ARHGAP28: variants seen among roughly 807,000 people sequenced by gnomAD.
The protein encoded by ARHGAP28 is Rho GTPase activating protein 28.
In ARHGAP28, 56 loss-of-function variants were observed where a neutral mutation model predicts 90.7. The ratio of observed to expected loss-of-function variants is 0.62; its 90% CI spans 0.50 to 0.77. ARHGAP28 has a LOEUF of 0.77. Among genes scored for constraint, ARHGAP28 ranks in the 30% least tolerant of loss-of-function variants. The pLI, the probability that ARHGAP28 is intolerant of heterozygous loss-of-function variation, is 0.00. For missense variants in ARHGAP28, 869 were observed against 900.9 expected (o/e 0.96, Z 0.45); for synonymous variants, 308 against 323.3 (o/e 0.95, Z 0.51).
At chr18:6,781,950 C>A (rs2056327631) in intron 1 of ARHGAP28, among the ~76,000 whole-genome samples, 1 of 152,148 alleles carries the variant, frequency 6.6e-6, no homozygotes, top group Non-Finnish European at 1.5e-5. Context: ...AACTGGCCAG[C>A]CCATATCTCT....
At chr18:6,742,466 G>A (rs546145270) in intron 1 of ARHGAP28, among the ~76,000 whole-genome samples, 4 of 152,038 alleles carry the variant, frequency 2.6e-5, no homozygotes, top group Admixed American at 6.6e-5. Context: ...CATCGTGCCC[G>A]GCCATGACTT....
At chr18:6,882,739 A>G (rs1003091382) in intron 11 of ARHGAP28, among the ~76,000 whole-genome samples, 1 of 152,230 alleles carries the variant, frequency 6.6e-6, no homozygotes, top group Non-Finnish European at 1.5e-5. Flanking sequence ...CTGAGGTCCT[A>G]GGTCTGATGA....
intron 3 of ARHGAP28, among the ~76,000 whole-genome samples, chr18:6,841,963 A>C (rs1419719766): frequency 6.6e-6 from 1 of 152,078 alleles, no homozygotes; most frequent in Admixed American, 6.6e-5. Flanking sequence ...TGATTGTTGC[A>C]CTGTTTGGAT....
At chr18:6,829,550 A>C (rs1424603654) in intron 2 of ARHGAP28, among the ~76,000 whole-genome samples, 1 of 152,204 alleles carries the variant, frequency 6.6e-6, no homozygotes, top group Non-Finnish European at 1.5e-5. Flanking sequence ...TTAAACATAC[A>C]ATTCAATGAG....
At chr18:6,871,633 T>C (rs2057090591) in intron 7 of ARHGAP28, among the ~76,000 whole-genome samples, 2 of 152,294 alleles carry the variant, frequency 1.3e-5, no homozygotes, top group South Asian at 2.1e-4. Flanking sequence ...AACCAATGCA[T>C]GTGTGAAAAG....
Position 6,883,439 on chromosome 18 carries a change from A to G in ARHGAP28, c.1453+1140A>G, listed in dbSNP as rs138058272. Among the ~76,000 whole-genome samples the G allele has an allele frequency of 4.7e-3, 709 of 152,020 alleles. 7 individuals carry two copies. Among genetic ancestry groups the G allele is most frequent in the African/African-American group, 0.016 (655 of 41,488 alleles). The stretch of plus-strand genomic sequence containing the variant: ...TTTTTAGTAGAGACGGGGTTTCGCC[A>G]TGTTGGCCAGGCTGGTCTCAAACTC... On this transcript the variant is annotated intron_variant, in intron 11 of 17. Coordinates refer to ENST00000383472, the MANE Select transcript of ARHGAP28 (RefSeq NM_001366230.1).
chr18:6,821,044 A>G (rs557497555), intron 1 of ARHGAP28, among the ~76,000 whole-genome samples: 50 of 152,340 alleles, frequency 3.3e-4, no homozygotes, highest in Admixed American at 5.2e-4. Context: ...AGCAACAACA[A>G]TAATAACTAT....
chr18:6,820,350 A>G (rs1233889145), intron 1 of ARHGAP28, among the ~76,000 whole-genome samples: 1 of 152,230 alleles, frequency 6.6e-6, no homozygotes, highest in Non-Finnish European at 1.5e-5. Context: ...ACAGTGAAAT[A>G]GAAATGTTTT....
At chr18:6,818,778 G>A (rs1439011909) in intron 1 of ARHGAP28, among the ~76,000 whole-genome samples, 1 of 152,350 alleles carries the variant, frequency 6.6e-6, no homozygotes, top group Non-Finnish European at 1.5e-5. Context: ...AAAGAACTTG[G>A]CTTTTTAGAG....
At chr18:6,824,055 A>G (rs1006963561) in intron 1 of ARHGAP28, among the ~76,000 whole-genome samples, 2 of 152,170 alleles carry the variant, frequency 1.3e-5, no homozygotes, top group African/African-American at 4.8e-5. Context: ...TTTAATAATA[A>G]CCACCTAATG....
At chr18:6,839,547 T>A (rs2056786260) in intron 3 of ARHGAP28, among the ~76,000 whole-genome samples, 1 of 152,194 alleles carries the variant, frequency 6.6e-6, no homozygotes, top group Non-Finnish European at 1.5e-5. Flanking sequence ...TCCGCCTGCC[T>A]CGGCCTCCCA....
intron 5 of ARHGAP28, among the ~76,000 whole-genome samples, chr18:6,864,927 T>C (rs1184920331): frequency 1.3e-5 from 2 of 152,154 alleles, no homozygotes; most frequent in African/African-American, 4.8e-5. Flanking sequence ...CAGTTTCAGG[T>C]TCGCAGCAAA....
intron 4 of ARHGAP28, among the ~76,000 whole-genome samples, chr18:6,853,336 A>G (rs1257042077): frequency 6.6e-6 from 1 of 152,164 alleles, no homozygotes; most frequent in Non-Finnish European, 1.5e-5. Context: ...CTTAAGTCTG[A>G]TAAACATTTA....
At chr18:6,900,752 A>T (rs1011888390) in intron 16 of ARHGAP28, among the ~76,000 whole-genome samples, 22 of 152,234 alleles carry the variant, frequency 1.4e-4, no homozygotes, top group South Asian at 2.1e-4. Flanking sequence ...CTGAAAGAAT[A>T]TTTGAATGAA....
intron 1 of ARHGAP28, among the ~76,000 whole-genome samples, chr18:6,764,776 G>A (rs2056187492): frequency 6.6e-6 from 1 of 152,140 alleles, no homozygotes; most frequent in South Asian, 2.1e-4. Flanking sequence ...GAAAACAATG[G>A]CTGGACTTTC....
rs1345658382 is a variant in ARHGAP28 at position 6,859,766 on chromosome 18, T to C, written c.637-42T>C. The C allele has an allele frequency of 4.5e-6, 7 of 1,571,882 alleles. No homozygotes were observed. In the Admixed American group the frequency reaches 1.2e-4, roughly 26 times the overall value. Reference sequence around the variant, plus strand: ...CAGAATACACAAACACATTAGAAAGTATTTGCCTGAATAAGAATGGTACTT... The same window carrying C: ...CAGAATACACAAACACATTAGAAAGCATTTGCCTGAATAAGAATGGTACTT... On this transcript the variant is annotated intron_variant, in intron 4 of 17. Coordinates refer to ENST00000383472, the MANE Select transcript of ARHGAP28 (RefSeq NM_001366230.1).
chr18:6,845,658 A>C (rs188079512), intron 3 of ARHGAP28, among the ~76,000 whole-genome samples: 1 of 152,262 alleles, frequency 6.6e-6, no homozygotes, highest in Admixed American at 6.5e-5. Flanking sequence ...CCCACTTATA[A>C]GTGAGAACAT....
At chr18:6,782,996 C>CA (rs1474611332) in intron 1 of ARHGAP28, among the ~76,000 whole-genome samples, 1 of 152,016 alleles carries the variant, frequency 6.6e-6, no homozygotes, top group Non-Finnish European at 1.5e-5. Flanking sequence ...CTCCTGAGAC[C>CA]AAAGTGAAAG....
chr18:6,796,372 G>A (rs2056441893), intron 1 of ARHGAP28, among the ~76,000 whole-genome samples: 1 of 151,456 alleles, frequency 6.6e-6, no homozygotes, highest in Non-Finnish European at 1.5e-5. Context: ...TGCCTCCCCC[G>A]AGCACCCCTG....
Sources: gnomAD v4.1 joint callset for allele counts (sites outside exome capture counted in the v4.1 genomes callset) on GRCh38, gnomAD v4.1.1 for gene constraint, MANE v1.5 for transcripts, NCBI Gene and HGNC (gene_info 2026-07-23, HGNC 2026-07-21) for gene names.